ANKRD11: variants seen among roughly 807,000 people sequenced by gnomAD.
The protein encoded by ANKRD11 is ankyrin repeat domain 11, also known as ankyrin repeat domain-containing protein 11.
ANKRD11 carries 17 observed loss-of-function variants against 195.7 expected under a neutral mutation model. The ratio of observed to expected loss-of-function variants is 0.09; its 90% CI spans 0.06 to 0.13. The LOEUF (loss-of-function observed/expected upper bound fraction) is 0.13, where lower values mean the gene tolerates loss of function less well. Among genes scored for constraint, ANKRD11 ranks in the 10% least tolerant of loss-of-function variants. The pLI, the probability that ANKRD11 is intolerant of heterozygous loss-of-function variation, is 1.00. For missense variants in ANKRD11, 3,735 were observed against 3,566.1 expected, an observed-to-expected ratio of 1.05 and a Z score of -1.21; for synonymous variants, 1,953 against 1,528.1, an observed-to-expected ratio of 1.28 and a Z score of -6.49.
At chr16:89,426,958 C>T (rs936176726) in intron 1 of ANKRD11, among the ~76,000 whole-genome samples, 3 of 152,176 alleles carry the variant, frequency 2.0e-5, no homozygotes, top group East Asian at 1.9e-4. Context: ...ACACCTGTTA[C>T]CAGCCTGTCT....
chr16:89,384,462 G>A (rs1030585956), intron 2 of ANKRD11, among the ~76,000 whole-genome samples: 1 of 152,062 alleles, frequency 6.6e-6, no homozygotes, highest in African/African-American at 2.4e-5. Context: ...GGGATGAAAT[G>A]GGACAGGACA....
At chr16:89,392,548 T>C (rs1365531513) in intron 2 of ANKRD11, 1 of 152,028 alleles carries the variant, frequency 6.6e-6, no homozygotes, top group South Asian at 2.1e-4. Context: ...CACGCTGAGA[T>C]GCTCCAGGGT....
Position 89,445,676 on chromosome 16 carries a change from T to A in ANKRD11, c.-144-27308A>T, listed in dbSNP as rs545399398. Among the ~76,000 whole-genome samples, 242 of 152,192 alleles carry A rather than the reference T, an allele frequency of 1.6e-3. 2 individuals carry two copies. The highest frequency in any genetic ancestry group is 4.7e-4 in the Non-Finnish European group (32 of 68,006). On this transcript the variant is annotated intron_variant, in intron 1 of 12. Transcript: ENST00000301030. Reference sequence around the variant, plus strand: ...AAATCAGGAAATAACTGTATTTTTTTAAAAAAACGATTTTGAGCCCGGGCA... The same window carrying A: ...AAATCAGGAAATAACTGTATTTTTTAAAAAAAACGATTTTGAGCCCGGGCA...
chr16:89,370,010 G>A (rs2040124136), intron 2 of ANKRD11, among the ~76,000 whole-genome samples: 2 of 152,216 alleles, frequency 1.3e-5, no homozygotes, highest in South Asian at 2.1e-4. Context: ...GGCCCCTTCA[G>A]GAAGAGCCAG....
chr16:89,422,890 T>C (rs1317808801), intron 1 of ANKRD11, among the ~76,000 whole-genome samples: 4 of 152,266 alleles, frequency 2.6e-5, no homozygotes, highest in African/African-American at 9.6e-5. Context: ...TTTTTTTCTT[T>C]CTTTATATCA....
intron 4 of ANKRD11, among the ~76,000 whole-genome samples, chr16:89,296,760 G>A (rs992949919): frequency 3.9e-5 from 6 of 152,248 alleles, no homozygotes; most frequent in African/African-American, 9.6e-5. Flanking sequence ...GCCGGGATGA[G>A]GAAGGTGTGT....
intron 2 of ANKRD11, among the ~76,000 whole-genome samples, chr16:89,390,942 C>A (rs2965827): frequency 0.56 from 84,811 of 151,986 alleles, 23,767 homozygotes; most frequent in Middle Eastern, 0.72. Flanking sequence ...AAAATTATTG[C>A]ACCAGGCTGG....
At chr16:89,455,673 G>A (rs1188854261) in intron 1 of ANKRD11, among the ~76,000 whole-genome samples, 2 of 152,104 alleles carry the variant, frequency 1.3e-5, no homozygotes, top group Admixed American at 6.6e-5. Flanking sequence ...GAACTTACCT[G>A]CTCACACACC....
chr16:89,474,670 C>T (rs1423925962), intron 1 of ANKRD11, among the ~76,000 whole-genome samples: 2 of 152,072 alleles, frequency 1.3e-5, no homozygotes, highest in African/African-American at 4.8e-5. Flanking sequence ...CCAAGGCAGC[C>T]TCCCAAGCTC....
At position 89,280,767 on chromosome 16, in the gene ANKRD11, G is replaced by T. The variant is rs1174979226; in HGVS notation, c.5775C>A (p.Pro1925=). The T allele has an allele frequency of 1.2e-6, 2 of 1,612,450 alleles. No homozygotes were observed. The highest frequency in any genetic ancestry group is 3.3e-5 in the Admixed American group (2 of 59,966). The change falls in exon 9 of 13, where the codon CCC becomes CCA. Residue 1925 remains proline, a synonymous_variant. Coordinates refer to ENST00000301030, the MANE Select transcript of ANKRD11 (RefSeq NM_013275.6). The stretch of plus-strand genomic sequence containing the variant: ...GCGGCTCCAGGTAGCTGGGCTCCGG[G>T]GGGATGATGGCGGCCGTCGCCTGCT... ...EDQQATAAII[P]PEPSYLEPLD...
chr16:89,290,819 G>T lies in ANKRD11; in HGVS notation c.407C>A (p.Thr136Lys). 6.2e-7 allele frequency: 1 copy of T among 1,613,754 alleles called. No individual in the cohort carries two copies. The highest frequency in any genetic ancestry group is 8.5e-7 in the Non-Finnish European group (1 of 1,180,002). ...TGTAGACTGGGAGGGGTGCTTTGGTGTTGTGTCCACTGCAGGCCAAGGAGG... is the reference window on the plus strand; with the variant it reads ...TGTAGACTGGGAGGGGTGCTTTGGTTTTGTGTCCACTGCAGGCCAAGGAGG... ...EESANSPVDT[T>K]PKHPSQSTVC... Residue 136 changes from threonine to lysine, a missense_variant, in exon 6 of 13, where the codon ACA (threonine) becomes AAA (lysine). Transcript: ENST00000301030.
chr16:89,397,716 T>C (rs1049087074), intron 2 of ANKRD11, among the ~76,000 whole-genome samples: 2 of 152,362 alleles, frequency 1.3e-5, no homozygotes, highest in South Asian at 4.1e-4. Context: ...GCTCTTGGAA[T>C]GTCAAGATGA....
At chr16:89,476,914 G>A (rs1335831204) in intron 1 of ANKRD11, among the ~76,000 whole-genome samples, 2 of 152,102 alleles carry the variant, frequency 1.3e-5, no homozygotes, top group Admixed American at 6.5e-5. Context: ...CACAACACAC[G>A]TTTATACACG....
chr16:89,355,770 T>G (rs1365875792), intron 2 of ANKRD11, among the ~76,000 whole-genome samples: 3 of 152,220 alleles, frequency 2.0e-5, no homozygotes, highest in Non-Finnish European at 4.4e-5. Context: ...GAGCGCAGCC[T>G]GACAATCGCA....
chr16:89,476,359 G>A (rs569195944), intron 1 of ANKRD11, among the ~76,000 whole-genome samples: 1 of 152,198 alleles, frequency 6.6e-6, no homozygotes, highest in Non-Finnish European at 1.5e-5. Context: ...TCAACTAGCA[G>A]ACTGTTAACG....
chr16:89,343,549 G>C (rs2038795512), intron 2 of ANKRD11: 1 of 152,258 alleles, frequency 6.6e-6, no homozygotes, highest in Non-Finnish European at 1.5e-5. Flanking sequence ...AGGCATGTGA[G>C]GGTGCACGCG....
chr16:89,290,585 A>C (rs2034996567), intron 6 of ANKRD11, 40 bp downstream of exon 6: 3 of 1,604,990 alleles, frequency 1.9e-6, no homozygotes, highest in African/African-American at 1.3e-5. Context: ...TCAGGGCTCC[A>C]GTGGGGCTCT....
At chr16:89,478,591 C>T (rs1373292160) in intron 1 of ANKRD11, among the ~76,000 whole-genome samples, 1 of 152,214 alleles carries the variant, frequency 6.6e-6, no homozygotes, top group Non-Finnish European at 1.5e-5. Flanking sequence ...CCCTTTCGTC[C>T]CCGCTGCCCT....
At chr16:89,420,041 G>A (rs1348052984) in intron 1 of ANKRD11, 2 of 152,254 alleles carry the variant, frequency 1.3e-5, no homozygotes, top group Admixed American at 1.3e-4. Flanking sequence ...TGGGCATGGT[G>A]GCGTGCGCCT....
Sources: allele counts gnomAD v4.1 joint callset (sites outside exome capture counted in the v4.1 genomes callset), GRCh38; gene constraint gnomAD v4.1.1; transcripts MANE v1.5; gene names NCBI Gene and HGNC (gene_info 2026-07-23, HGNC 2026-07-21).